STK39: variants seen among roughly 807,000 people sequenced by gnomAD.
The protein encoded by STK39 is STE20/SPS1-related proline-alanine-rich protein kinase.
In STK39, 20 loss-of-function variants were observed where a neutral mutation model predicts 77.8. That is an observed-to-expected ratio of 0.26 (90% CI 0.18 to 0.37). STK39 has a LOEUF of 0.37. Among genes scored for constraint, STK39 ranks in the 10% least tolerant of loss-of-function variants. The probability of loss-of-function intolerance (pLI) is 1.00; values close to 1 mark genes in which losing one functional copy is unlikely to be tolerated. For missense variants in STK39, 479 were observed against 656.5 expected (o/e 0.73, Z 2.95); for synonymous variants, 246 against 234.1 (o/e 1.05, Z -0.47).
At chr2:168,224,805 T>C (rs188293302) in intron 1 of STK39, among the ~76,000 whole-genome samples, 1 of 152,364 alleles carries the variant, frequency 6.6e-6, no homozygotes, top group East Asian at 1.9e-4. Context: ...TGGTCATCTC[T>C]TCTGAGTACG....
intron 5 of STK39, among the ~76,000 whole-genome samples, chr2:168,148,154 C>T (rs190025466): frequency 6.6e-6 from 1 of 152,310 alleles, no homozygotes; most frequent in East Asian, 1.9e-4. Flanking sequence ...TAGCAAAGTG[C>T]TTTCGCTCCC....
At chr2:168,193,083 C>A (rs1689379545) in intron 1 of STK39, among the ~76,000 whole-genome samples, 1 of 152,186 alleles carries the variant, frequency 6.6e-6, no homozygotes. Context: ...CTGGCTACCA[C>A]ATCCATGATG....
In STK39 at chr2:168,016,387, C is replaced by CAAAAAA. The variant is rs869084308; in HGVS notation, c.1429+650_1429+655dup. Among the ~76,000 whole-genome samples, 130 of 65,684 alleles carry CAAAAAA rather than the reference C, an allele frequency of 2.0e-3. 6 individuals carry two copies. The highest frequency in any genetic ancestry group is 3.8e-3 in the East Asian group (6 of 1,570). The allele number at this position is 65,684 out of a possible 152,430, so 43.1% of individuals were successfully genotyped here. On this transcript the variant is annotated intron_variant, in intron 15 of 17. Coordinates refer to ENST00000355999, the MANE Select transcript of STK39 (RefSeq NM_013233.3). ...TTTTGTTTGGCTGGTGGCCTTTGTT[C>CAAAAAA]AAAAAAAAAAAAAAAAAAAAAAAAA...
rs142897582 is a variant in STK39, at chr2:168,193,901, G to A, written c.209-11811C>T. On this transcript the variant is annotated intron_variant, in intron 1 of 17. Coordinates refer to ENST00000355999, the MANE Select transcript of STK39 (RefSeq NM_013233.3). The stretch of plus-strand genomic sequence containing the variant: ...GGCATAACTTCCCTAAATTATCCCC[G>A]AAGGGGCCAGGTACCCACCTCCTAA... Among the ~76,000 whole-genome samples the A allele has an allele frequency of 6.1e-3, 931 of 152,174 alleles. 11 individuals are homozygous for A. Among genetic ancestry groups the A allele is most frequent in the African/African-American group, 0.02 (830 of 41,498 alleles).
chr2:168,247,162 C>A, intron 1 of STK39, 66 bp downstream of exon 1: 2 of 1,090,224 alleles, frequency 1.8e-6, no homozygotes, highest in Non-Finnish European at 2.2e-6. Flanking sequence ...CCCAGCATCC[C>A]GCGCCCCCTC....
At chr2:168,195,655 C>A (rs760596783) in intron 1 of STK39, among the ~76,000 whole-genome samples, 6 of 152,156 alleles carry the variant, frequency 3.9e-5, no homozygotes, top group African/African-American at 7.2e-5. Flanking sequence ...TTGTTACATG[C>A]CAAAGATAAT....
chr2:168,246,583 C>G (rs1690909659), intron 1 of STK39, among the ~76,000 whole-genome samples: 1 of 152,142 alleles, frequency 6.6e-6, no homozygotes. Context: ...CGGAGGGAGG[C>G]GGGTACCCGG....
At chr2:168,235,702 G>A (rs1417721699) in intron 1 of STK39, among the ~76,000 whole-genome samples, 1 of 149,300 alleles carries the variant, frequency 6.7e-6, no homozygotes, top group African/African-American at 2.5e-5. Flanking sequence ...AGAACATGCG[G>A]TGTTTGATTT....
intron 5 of STK39, among the ~76,000 whole-genome samples, chr2:168,145,233 G>T (rs960283562): frequency 2.0e-5 from 3 of 152,164 alleles, no homozygotes; most frequent in African/African-American, 7.2e-5. Context: ...ACTGACAGCT[G>T]CAAGGGTCAA....
chr2:168,114,445 A>T (rs1438077610), intron 10 of STK39, among the ~76,000 whole-genome samples: 2 of 152,210 alleles, frequency 1.3e-5, no homozygotes, highest in African/African-American at 2.4e-5. Context: ...AATCTCTGTT[A>T]TAATCTGCAT....
chr2:168,049,237 C>T (rs952334562), intron 14 of STK39, among the ~76,000 whole-genome samples: 3 of 152,174 alleles, frequency 2.0e-5, no homozygotes, highest in African/African-American at 2.4e-5. Flanking sequence ...CCAGAACACA[C>T]GGCTAATGCT....
At chr2:168,037,002 C>T (rs151127110) in intron 14 of STK39, among the ~76,000 whole-genome samples, 19 of 152,334 alleles carry the variant, frequency 1.2e-4, no homozygotes, top group African/African-American at 4.3e-4. Flanking sequence ...TAAACATTTT[C>T]ATTTCAAGGG....
intron 1 of STK39, among the ~76,000 whole-genome samples, chr2:168,206,835 A>G (rs1006127020): frequency 2.0e-5 from 3 of 152,196 alleles, no homozygotes; most frequent in African/African-American, 4.8e-5. Flanking sequence ...ACAGTGATCA[A>G]TTTCAAGTGA....
chr2:167,989,744 T>G (rs2105280422), intron 16 of STK39, among the ~76,000 whole-genome samples: 1 of 152,250 alleles, frequency 6.6e-6, no homozygotes, highest in East Asian at 1.9e-4. Flanking sequence ...TCCAATTAAG[T>G]GTTATTTATG....
chr2:168,069,161 AC>A (rs1350367091), intron 12 of STK39, among the ~76,000 whole-genome samples: 1 of 151,950 alleles, frequency 6.6e-6, no homozygotes, highest in Non-Finnish European at 1.5e-5. Context: ...CAGGTGATCC[AC>A]CCGCCTCAGC....
intron 1 of STK39, among the ~76,000 whole-genome samples, chr2:168,194,642 G>T (rs1487742939): frequency 5.9e-5 from 9 of 152,062 alleles, no homozygotes; most frequent in African/African-American, 2.2e-4. Flanking sequence ...AATTAAGTTG[G>T]ACTTTATTTA....
intron 1 of STK39, among the ~76,000 whole-genome samples, chr2:168,230,034 T>C (rs1344819246): frequency 6.6e-6 from 1 of 152,204 alleles, no homozygotes; most frequent in Admixed American, 6.5e-5. Flanking sequence ...AGTTGGGTAA[T>C]AGTTTCCCCT....
chr2:168,129,636 C>T (rs746117175), intron 9 of STK39, 30 bp from the exon 10 acceptor site: 3 of 1,613,972 alleles, frequency 1.9e-6, no homozygotes, highest in Non-Finnish European at 2.5e-6. Context: ...AACAGTTTAA[C>T]ATCAAATATG....
chr2:168,055,345 T>C (rs540317172), intron 14 of STK39, among the ~76,000 whole-genome samples: 1 of 152,370 alleles, frequency 6.6e-6, no homozygotes, highest in South Asian at 2.1e-4. Flanking sequence ...TATGAAATCA[T>C]AATTTACTAA....
Sources: allele counts gnomAD v4.1 joint callset (sites outside exome capture counted in the v4.1 genomes callset), GRCh38; gene constraint gnomAD v4.1.1; transcripts MANE v1.5; gene names NCBI Gene and HGNC (gene_info 2026-07-23, HGNC 2026-07-21).